CELF2: variants seen among roughly 807,000 people sequenced by gnomAD.
CELF2 encodes CUG triplet repeat RNA-binding protein 2.
CELF2 carries 8 observed loss-of-function variants against 62.6 expected under a neutral mutation model. That is an observed-to-expected ratio of 0.13 (90% CI 0.07 to 0.23). CELF2 has a LOEUF of 0.23. Among genes scored for constraint, CELF2 ranks in the 10% least tolerant of loss-of-function variants. The pLI is 1.00. For missense variants in CELF2, 333 were observed against 671.0 expected (o/e 0.50, Z 5.56); for synonymous variants, 258 against 250.0 (o/e 1.03, Z -0.30).
chr10:11,191,454 G>A lies in CELF2; in HGVS notation c.271+25772G>A, dbSNP rs2076275746. ...AGGTGTCTCCTGGTGTTGCAGTGGGGAGGAGACCTCTGGACCAGGACGTGC... is the reference window on the plus strand; with the variant it reads ...AGGTGTCTCCTGGTGTTGCAGTGGGAAGGAGACCTCTGGACCAGGACGTGC... On this transcript the variant is annotated intron_variant, in intron 2 of 12. Coordinates refer to ENST00000633077, the MANE Select transcript of CELF2 (RefSeq NM_001326342.2). The surrounding 1 kb of genome is among the most constrained non-coding windows in gnomAD (Gnocchi z 4.1). Among the ~76,000 whole-genome samples the A allele has an allele frequency of 6.6e-6, 1 of 152,166 alleles. No individual in the cohort carries two copies. Among genetic ancestry groups the A allele is most frequent in the Non-Finnish European group, 1.5e-5 (1 of 68,018 alleles).
chr10:11,295,479 A>G (rs922773511), intron 9 of CELF2, among the ~76,000 whole-genome samples: 2 of 152,256 alleles, frequency 1.3e-5, no homozygotes, highest in African/African-American at 4.8e-5. Flanking sequence ...AATTTTGTGA[A>G]TGAGACCAAG....
the CELF2 span, among the ~76,000 whole-genome samples, chr10:10,675,264 C>G: frequency 6.6e-6 from 1 of 152,094 alleles, no homozygotes; most frequent in South Asian, 2.1e-4. Flanking sequence ...GTATAGGAGT[C>G]TAGGTTGCTG....
At chr10:11,020,517 C>T (rs1160185885) in intron 1 of CELF2, among the ~76,000 whole-genome samples, 1 of 152,102 alleles carries the variant, frequency 6.6e-6, no homozygotes, top group Admixed American at 6.5e-5. Flanking sequence ...GAGAAGATAG[C>T]CATGCGGATT....
chr10:11,287,534 C>G (rs1434656933), intron 8 of CELF2, among the ~76,000 whole-genome samples: 3 of 152,210 alleles, frequency 2.0e-5, no homozygotes, highest in African/African-American at 7.2e-5. Context: ...ATGAGTCACA[C>G]ATTTATTCTA....
chr10:11,257,497 T>C, intron 4 of CELF2: 1 of 442,744 alleles, frequency 2.3e-6, no homozygotes, highest in South Asian at 3.0e-5. Flanking sequence ...CATGTCATAT[T>C]AAAACATTTT....
intron 1 of CELF2, among the ~76,000 whole-genome samples, chr10:11,068,813 G>C (rs924530959): frequency 2.6e-5 from 4 of 152,142 alleles, no homozygotes; most frequent in African/African-American, 9.7e-5. Flanking sequence ...ACCCGCCTCA[G>C]CTTCCCAAAG....
chr10:10,918,779 G>T (rs1016518255), intron 1 of CELF2, among the ~76,000 whole-genome samples: 1 of 152,192 alleles, frequency 6.6e-6, no homozygotes, highest in Non-Finnish European at 1.5e-5. Context: ...TCTATGTAAG[G>T]TGTTTGTGTC....
chr10:10,695,070 G>T, the CELF2 span, among the ~76,000 whole-genome samples: 1 of 148,900 alleles, frequency 6.7e-6, no homozygotes, highest in Non-Finnish European at 1.5e-5. Context: ...TGGTGATTTT[G>T]CTCTTTAGTT....
chr10:10,537,919 G>A, the CELF2 span, among the ~76,000 whole-genome samples: 7 of 152,272 alleles, frequency 4.6e-5, no homozygotes, highest in East Asian at 9.7e-4. Flanking sequence ...TGGGGGGTCC[G>A]TGGCCGCGGG....
chr10:11,120,077 A>G (rs2057417926), intron 1 of CELF2, among the ~76,000 whole-genome samples: 1 of 152,140 alleles, frequency 6.6e-6, no homozygotes, highest in Non-Finnish European at 1.5e-5. Flanking sequence ...CTAATTCTCC[A>G]GGTGAAAGGA....
At chr10:10,998,113 C>T (rs2054160319) in intron 2 of CELF2, among the ~76,000 whole-genome samples, 1 of 152,174 alleles carries the variant, frequency 6.6e-6, no homozygotes, top group Non-Finnish European at 1.5e-5. Flanking sequence ...GTGAGGCCTC[C>T]TCAGCCATGT....
At chr10:11,131,088 T>C (rs968384810) in intron 1 of CELF2, among the ~76,000 whole-genome samples, 2 of 152,240 alleles carry the variant, frequency 1.3e-5, no homozygotes, top group African/African-American at 2.4e-5. Context: ...GCAGTTCTAC[T>C]GAAAATACTT....
chr10:11,260,183 T>A lies in CELF2; in HGVS notation c.538+2311T>A, dbSNP rs901451821. On this transcript the variant is annotated intron_variant, in intron 5 of 12. Coordinates refer to ENST00000633077, the MANE Select transcript of CELF2 (RefSeq NM_001326342.2). This position sits in a 1 kb window ranked among gnomAD's most constrained non-coding sequence, Gnocchi z 4.2. ...CGTAACTATATCTGCCCTGCTTCTC[T>A]TGCAGGGAGTCATTCACGGCTGGTG... is the stretch of plus-strand genomic sequence containing the variant. Among the ~76,000 whole-genome samples the A allele has an allele frequency of 7.2e-5, 11 of 152,248 alleles. No homozygotes were observed. Among genetic ancestry groups the A allele is most frequent in the African/African-American group, 2.7e-4 (11 of 41,460 alleles).
the CELF2 span, among the ~76,000 whole-genome samples, chr10:10,690,280 G>A: frequency 2.0e-5 from 3 of 152,096 alleles, no homozygotes; most frequent in Non-Finnish European, 4.4e-5. Context: ...TGTAGCATAC[G>A]ATGTCCTCCA....
At chr10:10,703,472 C>T in the CELF2 span, among the ~76,000 whole-genome samples, 1 of 152,212 alleles carries the variant, frequency 6.6e-6, no homozygotes, top group East Asian at 1.9e-4. Context: ...ATCCTCCCCA[C>T]TGGGGCTCTA....
Position 11,247,341 on chromosome 10 carries a change from C to T in CELF2, c.355-1812C>T, listed in dbSNP as rs774415535. ...AGCTCCCTGTGAGAGGGAACTGTCA[C>T]CCTTCCACTTCCTGGGTCACTGCGG... is the stretch of plus-strand genomic sequence containing the variant. On this transcript the variant is annotated intron_variant, in intron 3 of 12. Transcript: ENST00000633077. The surrounding 1 kb of genome is among the most constrained non-coding windows in gnomAD (Gnocchi z 5.4). 6.6e-6 allele frequency among the ~76,000 whole-genome samples: 1 copy of T among 152,248 alleles called. No homozygotes were observed. The highest frequency in any genetic ancestry group is 1.5e-5 in the Non-Finnish European group (1 of 68,038).
chr10:10,672,350 A>G, the CELF2 span, among the ~76,000 whole-genome samples: 170 of 152,218 alleles, frequency 1.1e-3, no homozygotes, highest in Non-Finnish European at 1.9e-3. Context: ...CTCCTATGTT[A>G]TCTTCTAGGA....
chr10:10,679,923 A>C, the CELF2 span, among the ~76,000 whole-genome samples: 1 of 152,188 alleles, frequency 6.6e-6, no homozygotes. Flanking sequence ...ATGTGTGTGA[A>C]TATCTTCCTC....
chr10:10,585,530 T>A, the CELF2 span, among the ~76,000 whole-genome samples: 1 of 152,226 alleles, frequency 6.6e-6, no homozygotes, highest in South Asian at 2.1e-4. Context: ...CACTAGGATT[T>A]GTGTGGAAGT....
Sources: allele counts gnomAD v4.1 joint callset (sites outside exome capture counted in the v4.1 genomes callset), GRCh38; gene constraint gnomAD v4.1.1; non-coding constraint Gnocchi (gnomAD v3.1); transcripts MANE v1.5; gene names NCBI Gene and HGNC (gene_info 2026-07-23, HGNC 2026-07-21).